FRMD7: variants seen among roughly 807,000 people sequenced by gnomAD.
FRMD7 encodes the protein FERM domain-containing protein 7.
A neutral mutation model predicts 44.1 loss-of-function variants in FRMD7; 14 were observed. The ratio of observed to expected loss-of-function variants is 0.32; its 90% CI spans 0.21 to 0.50. The LOEUF (loss-of-function observed/expected upper bound fraction) is 0.50, where lower values mean the gene tolerates loss of function less well. FRMD7 is among the 20% of genes least tolerant of loss of function. The pLI is 0.99. For missense variants in FRMD7, 501 were observed against 522.3 expected (o/e 0.96, Z 0.40); for synonymous variants, 212 against 187.4 (o/e 1.13, Z -1.07).
chrX:132,085,430 T>C (rs897005817), intron 7 of FRMD7, 151 bp downstream of exon 7: 14 of 524,670 alleles, frequency 2.7e-5, no homozygotes, highest in Non-Finnish European at 4.3e-5. Flanking sequence ...ATACTTTTCA[T>C]GCAACTACAA....
chrX:132,094,689 A>G (rs1038274790), intron 4 of FRMD7, among the ~76,000 whole-genome samples: 1 of 112,035 alleles, frequency 8.9e-6, no homozygotes. Flanking sequence ...CCCTGAATTC[A>G]GGCTGCCTCC....
chrX:132,120,081 G>A (rs1928997073), intron 1 of FRMD7, among the ~76,000 whole-genome samples: 1 of 111,594 alleles, frequency 9.0e-6, no homozygotes. Context: ...TCCCCCTCAG[G>A]CCATGCCCTT....
rs189884028 is a variant in FRMD7 at position 132,085,893 on chromosome X, A to G, written c.497+27T>C. ...CAATTTTAGTGTTCTCTACTGGGGG[A>G]AGCAGGTGCCAGCTGAAAGTACTTA... is the stretch of plus-strand genomic sequence containing the variant. On this transcript the variant is annotated intron_variant, in intron 6 of 11. Coordinates refer to ENST00000298542, the MANE Select transcript of FRMD7 (RefSeq NM_194277.3). 306 of 1,057,582 alleles carry G rather than the reference A, an allele frequency of 2.9e-4. 2 individuals carry two copies. The East Asian group carries it at 5.9e-3, about 20-fold the overall frequency. The allele number at this position is 1,057,582 out of a possible 1,213,427, so 87.2% of individuals were successfully genotyped here. A position where few individuals can be genotyped will look rare whatever the true frequency, so the allele number is the denominator to read the frequency against.
rs2124224182 is a variant in FRMD7 at position 132,085,972 on chromosome X, G to C, written c.445C>G (p.Pro149Ala). The change falls in exon 6 of 12, where the codon CCA becomes GCA. Residue 149 changes from proline (P) to alanine (A), a missense_variant. Physicochemically the swap from Pro to Ala is conservative, Grantham distance 27 (BLOSUM62 -1). Transcript: ENST00000298542. Reference protein sequence around the residue: ...RKHLAQTRYLPNQDCLEGKIM... With the variant: ...RKHLAQTRYLANQDCLEGKIM... ...TTGCCCTCTAAACAGTCTTGGTTTG[G>C]TAAGTACCGAGTTTGTGCCAGATGC... 1 of 1,207,186 alleles carries C rather than the reference G, an allele frequency of 8.3e-7. No individual in the cohort carries two copies. The highest frequency in any genetic ancestry group is 1.8e-5 in the South Asian group (1 of 56,877).
intron 1 of FRMD7, among the ~76,000 whole-genome samples, chrX:132,117,295 C>T (rs977256382): frequency 9.0e-6 from 1 of 111,309 alleles, no homozygotes; most frequent in African/African-American, 3.3e-5. Flanking sequence ...GTGGCCCTGC[C>T]GTCATGAGAA....
At chrX:132,082,667 G>GCTGAAAC in intron 8 of FRMD7, 141 bp from the exon 9 acceptor site, 2 of 529,762 alleles carry the variant, frequency 3.8e-6, no homozygotes, top group South Asian at 5.3e-5. Context: ...TTTCACACCT[G>GCTGAAAC]CTGAAACCTA....
At position 132,092,335 on chromosome X, in the gene FRMD7, A is replaced by C. The variant is rs767280694; in HGVS notation, c.382+1707T>G. The stretch of plus-strand genomic sequence containing the variant: ...CTTAAAATATAGCAGGTATCCAACA[A>C]ATATTAGATGAATGGAAAATTAGAC... On this transcript the variant is annotated intron_variant, in intron 5 of 11. Coordinates refer to ENST00000298542, the MANE Select transcript of FRMD7 (RefSeq NM_194277.3). Among the ~76,000 whole-genome samples, 4 of 111,850 alleles carry C rather than the reference A, an allele frequency of 3.6e-5. No individual in the cohort carries two copies. The East Asian group carries it at 1.1e-3, about 31-fold the overall frequency.
intron 8 of FRMD7, among the ~76,000 whole-genome samples, 195 bp downstream of exon 8, chrX:132,084,295 A>G (rs1406876821): frequency 2.7e-5 from 3 of 111,875 alleles, no homozygotes; most frequent in Non-Finnish European, 3.8e-5. Flanking sequence ...TAAACTGCCA[A>G]TCAGATTTCT....
chrX:132,083,820 A>G (rs961839486), intron 8 of FRMD7, among the ~76,000 whole-genome samples: 1 of 111,205 alleles, frequency 9.0e-6, no homozygotes, highest in African/African-American at 3.3e-5. Context: ...AAAATTAGCG[A>G]AGTGTGGTGG....
chrX:132,114,777 A>G (rs1320341846), intron 1 of FRMD7, among the ~76,000 whole-genome samples: 3 of 112,308 alleles, frequency 2.7e-5, no homozygotes, highest in Admixed American at 9.4e-5. Flanking sequence ...AGCAGGAAAC[A>G]TACAAGAGGC....
intron 8 of FRMD7, 102 bp downstream of exon 8, chrX:132,084,388 G>T (rs961306588): frequency 2.1e-5 from 12 of 563,919 alleles, no homozygotes; most frequent in Admixed American, 4.5e-5. Flanking sequence ...CATCACTCAG[G>T]GCCAGCCGGC....
intron 2 of FRMD7, 150 bp from the exon 3 acceptor site, chrX:132,099,660 G>GT (rs1170758652): frequency 2.4e-6 from 1 of 420,859 alleles, no homozygotes. Context: ...TGTCAAATAG[G>GT]TGGCATACTA....
Position 132,080,067 on chromosome X carries a change from G to A in FRMD7, c.989C>T (p.Ser330Phe), listed in dbSNP as rs2124212041. 1 of 1,196,347 alleles carries A rather than the reference G, an allele frequency of 8.4e-7. No individual in the cohort carries two copies. Among genetic ancestry groups the A allele is most frequent in the African/African-American group, 1.7e-5 (1 of 57,475 alleles). The change falls in exon 11 of 12, where the codon TCT (serine) becomes TTT (phenylalanine). Residue 330 changes from serine to phenylalanine, a missense_variant. Coordinates refer to ENST00000298542, the MANE Select transcript of FRMD7 (RefSeq NM_194277.3). ...SLPFERKHYP[S>F]QYHERQCRSS... The stretch of plus-strand genomic sequence containing the variant: ...CCTGCACTGTCGTTCATGGTACTGA[G>A]ATGGGTAATGTTTCCTGAAATCCCC...
chrX:132,091,920 C>T (rs1928187882), intron 5 of FRMD7, among the ~76,000 whole-genome samples: 1 of 111,966 alleles, frequency 8.9e-6, no homozygotes, highest in East Asian at 2.8e-4. Flanking sequence ...TCAGTATCTG[C>T]CCCCAGAATT....
At chrX:132,121,731 A>G (rs907212024) in intron 1 of FRMD7, among the ~76,000 whole-genome samples, 10 of 111,737 alleles carry the variant, frequency 8.9e-5, no homozygotes, top group African/African-American at 3.2e-4. Flanking sequence ...GCTATTTGTG[A>G]TTATTATTCA....
At chrX:132,083,843 G>A (rs747067826) in intron 8 of FRMD7, among the ~76,000 whole-genome samples, 1 of 111,412 alleles carries the variant, frequency 9.0e-6, no homozygotes, top group Non-Finnish European at 1.9e-5. Context: ...CATGCCTGTA[G>A]TCCTAGCTAC....
chrX:132,093,202 C>A (rs1270292864), intron 5 of FRMD7, among the ~76,000 whole-genome samples: 1 of 111,662 alleles, frequency 9.0e-6, no homozygotes. Context: ...CTGGGGCTCC[C>A]GGTGAAATTA....
At chrX:132,110,114 G>A (rs1040107326) in intron 1 of FRMD7, among the ~76,000 whole-genome samples, 4 of 111,265 alleles carry the variant, frequency 3.6e-5, no homozygotes, top group Non-Finnish European at 7.5e-5. Context: ...AATCACCTGG[G>A]GATCTTGTTA....
At chrX:132,118,114 C>T (rs1928947499) in intron 1 of FRMD7, among the ~76,000 whole-genome samples, 1 of 110,751 alleles carries the variant, frequency 9.0e-6, no homozygotes, top group Non-Finnish European at 1.9e-5. Flanking sequence ...TATATGAACC[C>T]AAACTGTGCA....
Sources: gnomAD v4.1 joint callset for allele counts (sites outside exome capture counted in the v4.1 genomes callset) on GRCh38, gnomAD v4.1.1 for gene constraint, MANE v1.5 for transcripts, NCBI Gene and HGNC (gene_info 2026-07-23, HGNC 2026-07-21) for gene names.